Variants in DCT observed in about 807,000 individuals in gnomAD.
DCT encodes the protein L-dopachrome tautomerase.
In DCT, 47 loss-of-function variants were observed where a neutral mutation model predicts 53.0. The observed-to-expected ratio is 0.89, with a 90% CI of 0.70 to 1.13. The LOEUF (loss-of-function observed/expected upper bound fraction) is 1.13, where lower values mean the gene tolerates loss of function less well. Ranked by LOEUF, DCT falls within the 50% of genes most tolerant of loss-of-function variation. The pLI, the probability that DCT is intolerant of heterozygous loss-of-function variation, is 0.00. For synonymous variants in DCT, 244 were observed against 237.0 expected (o/e 1.03, Z -0.27); for missense variants, 669 against 637.4 (o/e 1.05, Z -0.53).
At chr13:94,548,968 T>C in the DCT span, among the ~76,000 whole-genome samples, 204 of 152,362 alleles carry the variant, frequency 1.3e-3, 1 homozygote, top group African/African-American at 4.9e-3. Context: ...GCGGTGCTGA[T>C]GCTGCGGATC....
At chr13:94,548,092 T>A in the DCT span, among the ~76,000 whole-genome samples, 1 of 151,378 alleles carries the variant, frequency 6.6e-6, no homozygotes, top group Non-Finnish European at 1.5e-5. Context: ...AGTACCTGTA[T>A]GTTTATGCAC....
At chr13:94,476,296 C>T (rs1189212684) in intron 1 of DCT, among the ~76,000 whole-genome samples, 1 of 148,568 alleles carries the variant, frequency 6.7e-6, no homozygotes, top group Non-Finnish European at 1.5e-5. Flanking sequence ...AGCAATGATC[C>T]CTTCTATTCT....
chr13:94,460,273 G>C (rs1883697515), intron 5 of DCT, 47 bp from the exon 6 acceptor site: 1 of 1,574,452 alleles, frequency 6.4e-7, no homozygotes, highest in Middle Eastern at 1.7e-4. Context: ...GACTGATAAA[G>C]GTCTCTTTTT....
In DCT at chr13:94,443,541, G is replaced by C. The variant is rs762269122; in HGVS notation, c.1276C>G (p.His426Asp). Residue 426 changes from histidine (H) to aspartate (D), a missense_variant, in exon 7 of 8, where the codon CAC (histidine) becomes GAC (aspartate). By Grantham distance (81) the His-to-Asp change is moderately conservative (BLOSUM62 -1). Coordinates refer to ENST00000377028, the MANE Select transcript of DCT (RefSeq NM_001922.5). ...AWPQELAPIG[H>D]NRMYNMVPFF... ...GGAACCATGTTGTACATCCGATTGTGACCAATAGGGGCCAGCTCCTGAGGC... is the reference window on the plus strand; with the variant it reads ...GGAACCATGTTGTACATCCGATTGTCACCAATAGGGGCCAGCTCCTGAGGC... The C allele has an allele frequency of 3.7e-6, 6 of 1,613,708 alleles. No homozygotes were observed. In the East Asian group the frequency reaches 1.1e-4, roughly 30 times the overall value.
At chr13:94,546,514 G>A in the DCT span, among the ~76,000 whole-genome samples, 3 of 152,088 alleles carry the variant, frequency 2.0e-5, no homozygotes, top group African/African-American at 7.2e-5. The surrounding 1 kb of genome is among the most constrained non-coding windows in gnomAD (Gnocchi z 4.2). Context: ...AACCAGGTGT[G>A]CGCCTCCATC....
At chr13:94,506,775 G>A in the DCT span, among the ~76,000 whole-genome samples, 197 of 152,178 alleles carry the variant, frequency 1.3e-3, 1 homozygote, top group African/African-American at 4.1e-3. Flanking sequence ...GTAGGATACC[G>A]CCTTAAACTA....
At chr13:94,526,917 C>T in the DCT span, among the ~76,000 whole-genome samples, 2 of 152,028 alleles carry the variant, frequency 1.3e-5, no homozygotes, top group African/African-American at 2.4e-5. Flanking sequence ...CACTCCTGAC[C>T]AAATACTGCA....
the DCT span, among the ~76,000 whole-genome samples, chr13:94,529,085 G>T: frequency 3.3e-5 from 5 of 152,126 alleles, no homozygotes; most frequent in Admixed American, 3.3e-4. Context: ...ACCAAGAAGA[G>T]CTAACTATCC....
the DCT span, among the ~76,000 whole-genome samples, chr13:94,515,474 A>C: frequency 0.35 from 52,887 of 151,796 alleles, 9,583 homozygotes; most frequent in East Asian, 0.61. Flanking sequence ...TAAAGTAAAC[A>C]CCATGGTTAA....
At chr13:94,464,318 G>A (rs1193891841) in intron 4 of DCT, among the ~76,000 whole-genome samples, 4 of 152,220 alleles carry the variant, frequency 2.6e-5, no homozygotes, top group Non-Finnish European at 4.4e-5. Context: ...GACCTGGGAC[G>A]AAAGACAGAG....
At chr13:94,470,580 T>A (rs972465339) in intron 1 of DCT, among the ~76,000 whole-genome samples, 1 of 152,144 alleles carries the variant, frequency 6.6e-6, no homozygotes, top group Admixed American at 6.5e-5. Context: ...ATTAAAGGGA[T>A]TACGTAAAGC....
At position 94,462,820 on chromosome 13, in the gene DCT, T is replaced by C. The variant is rs576865356; in HGVS notation, c.864-631A>G. 1.1e-3 allele frequency among the ~76,000 whole-genome samples: 161 copies of C among 152,326 alleles called. 1 individual carries two copies. Among genetic ancestry groups the C allele is most frequent in the African/African-American group, 3.8e-3 (159 of 41,564 alleles). On this transcript the variant is annotated intron_variant, in intron 4 of 7. Transcript: ENST00000377028. ...TGTGTGCATTTGAATCTTGAGTAAC[T>C]GAAGGGAGAATAGGGTGGTTCGTAT...
At chr13:94,529,685 G>A in the DCT span, among the ~76,000 whole-genome samples, 61,375 of 152,062 alleles carry the variant, frequency 0.4, 13,122 homozygotes, top group East Asian at 0.61. Context: ...ACAAGAGAAA[G>A]CAGGAAATAT....
chr13:94,513,470 A>G, the DCT span, among the ~76,000 whole-genome samples: 2 of 152,218 alleles, frequency 1.3e-5, no homozygotes, highest in African/African-American at 2.4e-5. Flanking sequence ...AGCAATTTAT[A>G]TAACAACCAA....
the DCT span, among the ~76,000 whole-genome samples, chr13:94,498,743 T>A: frequency 6.6e-6 from 1 of 152,234 alleles, no homozygotes; most frequent in Non-Finnish European, 1.5e-5. Flanking sequence ...AACTTTTCTG[T>A]CTAGCTAGAG....
chr13:94,474,703 T>A (rs1884966100), intron 1 of DCT, among the ~76,000 whole-genome samples: 1 of 152,206 alleles, frequency 6.6e-6, no homozygotes, highest in Non-Finnish European at 1.5e-5. Context: ...GCAATTCAGC[T>A]CTTCCTGACA....
At chr13:94,472,566 ATATTTTTTTTTTTTTTTTTTTTTT>A (rs1884807250) in intron 1 of DCT, among the ~76,000 whole-genome samples, 1 of 17,644 alleles carries the variant, frequency 5.7e-5, no homozygotes, top group Non-Finnish European at 8.7e-5. Context: ...ATATATATAT[ATATTTTTTTTTTTTTTTTTTTTTT>A]TTTTTTTTGT....
At chr13:94,531,528 C>T in the DCT span, among the ~76,000 whole-genome samples, 1 of 152,156 alleles carries the variant, frequency 6.6e-6, no homozygotes, top group Admixed American at 6.5e-5. Flanking sequence ...CTGACAAAAA[C>T]AAGCAATGGG....
intron 6 of DCT, among the ~76,000 whole-genome samples, chr13:94,450,067 C>T (rs1164593341): frequency 6.6e-6 from 1 of 152,160 alleles, no homozygotes; most frequent in Non-Finnish European, 1.5e-5. Context: ...ATGGGGTTCT[C>T]ATGAATGGAA....
Sources: gnomAD v4.1 joint callset for allele counts (sites outside exome capture counted in the v4.1 genomes callset) on GRCh38, gnomAD v4.1.1 for gene constraint, Gnocchi (gnomAD v3.1) non-coding constraint, MANE v1.5 for transcripts, NCBI Gene and HGNC (gene_info 2026-07-23, HGNC 2026-07-21) for gene names.